Variants in NKAIN3 observed in about 807,000 individuals in gnomAD.
NKAIN3 encodes the protein sodium/potassium-transporting ATPase subunit beta-1-interacting protein 3.
Under a neutral mutation model 30.2 loss-of-function variants are expected in NKAIN3, and 25 were observed. The ratio of observed to expected loss-of-function variants is 0.83; its 90% CI spans 0.60 to 1.16. The LOEUF is 1.16. Ranked by LOEUF, NKAIN3 falls within the 50% of genes most tolerant of loss-of-function variation. The probability of loss-of-function intolerance (pLI) is 0.00; values close to 1 mark genes in which losing one functional copy is unlikely to be tolerated. For synonymous variants in NKAIN3, 91 were observed against 89.6 expected (o/e 1.02, Z -0.09); for missense variants, 225 against 254.1 (o/e 0.89, Z 0.78).
chr8:62,940,017 G>A (rs964934494), intron 5 of NKAIN3, among the ~76,000 whole-genome samples: 5 of 151,858 alleles, frequency 3.3e-5, no homozygotes, highest in Admixed American at 6.6e-5. Context: ...CAAGAAATTC[G>A]CCTAACACAT....
At chr8:62,746,864 A>T in intron 3 of NKAIN3, 68 bp from the exon 4 acceptor site, 3 of 1,119,886 alleles carry the variant, frequency 2.7e-6, no homozygotes, top group Admixed American at 3.8e-5. Context: ...ATTCTTCCTA[A>T]GGTCAAAGTC....
At chr8:62,581,596 C>G (rs187124057) in intron 2 of NKAIN3, among the ~76,000 whole-genome samples, 2 of 152,176 alleles carry the variant, frequency 1.3e-5, no homozygotes, top group Non-Finnish European at 2.9e-5. Context: ...GCTCTTTGTA[C>G]TTTTCTTAAA....
At chr8:62,647,766 G>A (rs1419713818) in intron 3 of NKAIN3, among the ~76,000 whole-genome samples, 1 of 152,228 alleles carries the variant, frequency 6.6e-6, no homozygotes, top group Non-Finnish European at 1.5e-5. Flanking sequence ...AGTGAGCCTG[G>A]AGATGAAGTT....
In NKAIN3 at chr8:62,977,958, A is replaced by C. The variant is rs1823981916; in HGVS notation, c.*12551A>C. On this transcript the variant is annotated 3_prime_UTR_variant, in exon 7 of 7. Coordinates refer to ENST00000623646, the MANE Select transcript of NKAIN3 (RefSeq NM_001304533.3). ...CTTTCTGTTTGTTAATTTTCTTTCT[A>C]ACAGTCAGGCCCTTCTTCTGCTGGT... 1 of 152,282 alleles carries C rather than the reference A, an allele frequency of 6.6e-6. No individual in the cohort carries two copies. Among genetic ancestry groups the C allele is most frequent in the Non-Finnish European group, 1.5e-5 (1 of 68,148 alleles). The allele number at this position is 152,282 out of a possible 1,614,324, so 9.4% of individuals were successfully genotyped here.
intron 4 of NKAIN3, among the ~76,000 whole-genome samples, chr8:62,788,695 T>G (rs1011401427): frequency 7.2e-5 from 11 of 152,052 alleles, no homozygotes; most frequent in African/African-American, 2.2e-4. Flanking sequence ...TTAATCCATC[T>G]TGAATTAATT....
chr8:62,612,273 C>T (rs1180266261), intron 3 of NKAIN3, among the ~76,000 whole-genome samples: 1 of 151,832 alleles, frequency 6.6e-6, no homozygotes, highest in African/African-American at 2.4e-5. Flanking sequence ...AATAATATTT[C>T]CTTTCTATAT....
intron 1 of NKAIN3, among the ~76,000 whole-genome samples, chr8:62,382,312 A>G (rs544148785): frequency 6.6e-6 from 1 of 152,280 alleles, no homozygotes; most frequent in African/African-American, 2.4e-5. Flanking sequence ...GTCATAATAA[A>G]GGTCTTCATC....
At chr8:62,271,869 A>G (rs1403556383) in intron 1 of NKAIN3, among the ~76,000 whole-genome samples, 1 of 152,170 alleles carries the variant, frequency 6.6e-6, no homozygotes, top group Non-Finnish European at 1.5e-5. Context: ...GAGATGTGTT[A>G]TGAGCTGGAA....
intron 4 of NKAIN3, among the ~76,000 whole-genome samples, chr8:62,832,997 G>A (rs1001472962): frequency 6.6e-6 from 1 of 151,828 alleles, no homozygotes; most frequent in Admixed American, 6.6e-5. Context: ...CATTGTTTTG[G>A]ACCAAAGTAA....
intron 4 of NKAIN3, among the ~76,000 whole-genome samples, chr8:62,884,879 G>A (rs1265241385): frequency 6.6e-6 from 1 of 151,316 alleles, no homozygotes; most frequent in Admixed American, 6.6e-5. Flanking sequence ...TCTTAGCCTG[G>A]CTACAGGTGT....
chr8:62,803,813 A>G (rs1420347256), intron 4 of NKAIN3, among the ~76,000 whole-genome samples: 2 of 152,234 alleles, frequency 1.3e-5, no homozygotes, highest in African/African-American at 2.4e-5. Flanking sequence ...TAAAAAATTA[A>G]TGAATCCAGG....
At chr8:62,641,703 G>C (rs1306949200) in intron 3 of NKAIN3, among the ~76,000 whole-genome samples, 1 of 152,094 alleles carries the variant, frequency 6.6e-6, no homozygotes, top group African/African-American at 2.4e-5. Context: ...TTAGGAAGGG[G>C]TTAGTTATCT....
intron 1 of NKAIN3, among the ~76,000 whole-genome samples, chr8:62,550,034 C>T (rs1809147859): frequency 6.6e-6 from 1 of 151,314 alleles, no homozygotes; most frequent in East Asian, 1.9e-4. Context: ...GAGATAAAAA[C>T]TAGTTATGGA....
intron 1 of NKAIN3, among the ~76,000 whole-genome samples, chr8:62,257,547 A>C (rs1012867174): frequency 2.0e-5 from 3 of 151,910 alleles, no homozygotes; most frequent in Non-Finnish European, 4.4e-5. Context: ...TCATCCTGTC[A>C]CTCCTCTTCA....
In NKAIN3 at chr8:62,563,560, T is replaced by C. The variant is rs191903021; in HGVS notation, c.55-15979T>C. ...CCTGTTAGTAAAATGTAAGATTATT[T>C]TTTAAATATGTACCACCAAAGGAAA... On this transcript the variant is annotated intron_variant, in intron 1 of 6. Transcript: ENST00000623646. 5.9e-5 allele frequency among the ~76,000 whole-genome samples: 9 copies of C among 152,264 alleles called. No homozygotes were observed. In the East Asian group the frequency reaches 1.7e-3, roughly 29 times the overall value.
chr8:62,458,977 A>C (rs1805904227), intron 1 of NKAIN3, among the ~76,000 whole-genome samples: 1 of 152,064 alleles, frequency 6.6e-6, no homozygotes, highest in Admixed American at 6.6e-5. Context: ...ACATTCAAAC[A>C]TCATGACTGA....
chr8:62,905,116 T>C (rs1283410842), intron 4 of NKAIN3, among the ~76,000 whole-genome samples: 1 of 152,026 alleles, frequency 6.6e-6, no homozygotes, highest in African/African-American at 2.4e-5. Flanking sequence ...AGACTAGAGA[T>C]GGATCAACTA....
At chr8:62,494,434 G>A (rs1447256335) in intron 1 of NKAIN3, among the ~76,000 whole-genome samples, 1 of 151,974 alleles carries the variant, frequency 6.6e-6, no homozygotes, top group Non-Finnish European at 1.5e-5. Context: ...AATATTTTGA[G>A]GATTTTTGCA....
intron 1 of NKAIN3, among the ~76,000 whole-genome samples, chr8:62,560,189 A>T (rs1333560809): frequency 6.6e-6 from 1 of 152,156 alleles, no homozygotes; most frequent in African/African-American, 2.4e-5. Flanking sequence ...CTATCAATAT[A>T]AATTTATCTG....
Sources: allele counts gnomAD v4.1 joint callset (sites outside exome capture counted in the v4.1 genomes callset), GRCh38; gene constraint gnomAD v4.1.1; transcripts MANE v1.5; gene names NCBI Gene and HGNC (gene_info 2026-07-23, HGNC 2026-07-21).